Variants in TGM6 observed in about 807,000 individuals in gnomAD.
TGM6 encodes transglutaminase 6.
Under a neutral mutation model 77.5 loss-of-function variants are expected in TGM6, and 74 were observed. That is an observed-to-expected ratio of 0.96 (90% CI 0.79 to 1.16). The LOEUF (loss-of-function observed/expected upper bound fraction) is 1.16, where lower values mean the gene tolerates loss of function less well. Ranked by LOEUF, TGM6 falls within the 50% of genes most tolerant of loss-of-function variation. The pLI is 0.00. For synonymous variants in TGM6, 383 were observed against 378.9 expected (o/e 1.01, Z -0.12); for missense variants, 968 against 940.2 (o/e 1.03, Z -0.39).
intron 9 of TGM6, among the ~76,000 whole-genome samples, chr20:2,407,357 G>A (rs6137904): frequency 0.29 from 44,819 of 152,064 alleles, 8,708 homozygotes; most frequent in African/African-American, 0.55. Flanking sequence ...GGTGGCTCAC[G>A]CCTGCAATCC....
Position 2,429,873 on chromosome 20 carries a change from C to T in TGM6, c.1679-573C>T, listed in dbSNP as rs578095806. ...GAGAGGGAGACAGAGATGGCCAGGACCACAGGAGCTCAGAGAGCATGAGAG... is the reference window on the plus strand; with the variant it reads ...GAGAGGGAGACAGAGATGGCCAGGATCACAGGAGCTCAGAGAGCATGAGAG... On this transcript the variant is annotated intron_variant, in intron 10 of 12. Coordinates refer to ENST00000202625, the MANE Select transcript of TGM6 (RefSeq NM_198994.3). Among the ~76,000 whole-genome samples the T allele has an allele frequency of 3.7e-4, 56 of 152,216 alleles. 1 individual carries two copies. Among genetic ancestry groups the T allele is most frequent in the African/African-American group, 1.3e-3 (52 of 41,544 alleles).
intron 1 of TGM6, among the ~76,000 whole-genome samples, chr20:2,386,389 G>A (rs2084596051): frequency 6.6e-6 from 1 of 152,130 alleles, no homozygotes; most frequent in Non-Finnish European, 1.5e-5. Flanking sequence ...AGTTGGGCAG[G>A]GGAGGTGCCG....
chr20:2,405,696 G>A (rs1374815151), intron 9 of TGM6, among the ~76,000 whole-genome samples: 1 of 152,068 alleles, frequency 6.6e-6, no homozygotes, highest in East Asian at 1.9e-4. Context: ...GTGCTATTTG[G>A]GTCCTTTCAA....
chr20:2,419,174 T>C (rs1049622285), intron 10 of TGM6, among the ~76,000 whole-genome samples: 1 of 152,244 alleles, frequency 6.6e-6, no homozygotes, highest in African/African-American at 2.4e-5. Context: ...TCTGTCTCTC[T>C]GTCTCTGTCC....
intron 9 of TGM6, among the ~76,000 whole-genome samples, chr20:2,406,638 C>A (rs1194018336): frequency 6.6e-6 from 1 of 151,304 alleles, no homozygotes; most frequent in Non-Finnish European, 1.5e-5. Context: ...GAGTTCGAGA[C>A]CAGCCTGGCC....
intron 9 of TGM6, among the ~76,000 whole-genome samples, chr20:2,410,390 G>C (rs2084778027): frequency 6.6e-6 from 1 of 152,136 alleles, no homozygotes; most frequent in Non-Finnish European, 1.5e-5. Flanking sequence ...CCTGCCCCCT[G>C]CCATACCTTG....
intron 1 of TGM6, 113 bp downstream of exon 1, chr20:2,381,088 G>T: frequency 6.9e-7 from 1 of 1,455,264 alleles, no homozygotes; most frequent in Non-Finnish European, 9.5e-7. Flanking sequence ...TTTACAGCTG[G>T]ATAGTCCACC....
intron 10 of TGM6, among the ~76,000 whole-genome samples, chr20:2,417,887 G>T (rs980221344): frequency 5.3e-5 from 8 of 152,068 alleles, no homozygotes; most frequent in African/African-American, 1.9e-4. Flanking sequence ...CATGCTGGGG[G>T]TATTTCAGCA....
At chr20:2,423,187 G>A (rs1168883921) in intron 10 of TGM6, among the ~76,000 whole-genome samples, 1 of 151,734 alleles carries the variant, frequency 6.6e-6, no homozygotes, top group African/African-American at 2.4e-5. Context: ...GGGTGGTTGT[G>A]GCAATTTCTT....
In TGM6 at chr20:2,380,993, G is replaced by T; in HGVS notation, c.7+18G>T. The T allele has an allele frequency of 6.2e-7, 1 of 1,608,376 alleles. No individual in the cohort carries two copies. The highest frequency in any genetic ancestry group is 2.2e-5 in the East Asian group (1 of 44,748). ...CATGGCAGGTAAGTGGGCAGAGCCT[G>T]GGGCCTTGGGACACCAGGGCTCATG... On this transcript the variant is annotated intron_variant, in intron 1 of 12. Coordinates refer to ENST00000202625, the MANE Select transcript of TGM6 (RefSeq NM_198994.3).
In TGM6 at chr20:2,397,947, C is replaced by G. The variant is rs1347908694; in HGVS notation, c.573C>G (p.Leu191=). ...AGGAGGACATCCTGAACATCTGCCT[C>G]TCCATCCTGGATCGAAGCCCCGGTC... The part of the protein sequence containing the change: ...QFEEDILNIC[L]SILDRSPGHQ... Residue 191 remains leucine, a synonymous_variant, in exon 5 of 13, where the codon CTC becomes CTG. Transcript: ENST00000202625. 2 of 1,614,046 alleles carry G rather than the reference C, an allele frequency of 1.2e-6. No homozygotes were observed. The highest frequency in any genetic ancestry group is 1.7e-6 in the Non-Finnish European group (2 of 1,180,038).
chr20:2,416,963 T>A (rs1320562328), intron 9 of TGM6, among the ~76,000 whole-genome samples: 1 of 152,216 alleles, frequency 6.6e-6, no homozygotes, highest in Admixed American at 6.5e-5. Flanking sequence ...CACCAAGTGC[T>A]ATAGTACACA....
At chr20:2,393,269 C>T (rs777530360) in intron 1 of TGM6, among the ~76,000 whole-genome samples, 1 of 152,224 alleles carries the variant, frequency 6.6e-6, no homozygotes, top group Non-Finnish European at 1.5e-5. Context: ...CTCTTCATTT[C>T]AGCTGTCATA....
chr20:2,417,587 G>C lies in TGM6; in HGVS notation c.1678+14G>C, dbSNP rs1286457477. The C allele has an allele frequency of 1.9e-6, 3 of 1,592,388 alleles. No homozygotes were observed. The African/African-American group carries it at 4.0e-5, about 21-fold the overall frequency. ...GGCCGCAAGAAGGTAAGTGTACGCT[G>C]GCTTGGTGGAATCAGGCCAAACCAC... On this transcript the variant is annotated intron_variant, in intron 10 of 12. Coordinates refer to ENST00000202625, the MANE Select transcript of TGM6 (RefSeq NM_198994.3).
At chr20:2,423,173 G>T (rs1299991670) in intron 10 of TGM6, among the ~76,000 whole-genome samples, 3 of 151,910 alleles carry the variant, frequency 2.0e-5, no homozygotes, top group South Asian at 4.2e-4. Flanking sequence ...GTTGCCAAAG[G>T]TTGGGGTGGT....
intron 9 of TGM6, among the ~76,000 whole-genome samples, chr20:2,416,316 A>T (rs1261306265): frequency 6.6e-6 from 1 of 152,202 alleles, no homozygotes; most frequent in Admixed American, 6.5e-5. Flanking sequence ...GGACATATAG[A>T]TCAAAGAAAT....
intron 10 of TGM6, among the ~76,000 whole-genome samples, chr20:2,423,282 G>T (rs888540431): frequency 6.7e-6 from 1 of 149,856 alleles, no homozygotes; most frequent in East Asian, 2.1e-4. Flanking sequence ...GATGGTGTTC[G>T]ATAGCATTTT....
intron 5 of TGM6, 75 bp from the exon 6 acceptor site, chr20:2,399,486 C>T: frequency 6.2e-7 from 1 of 1,607,570 alleles, no homozygotes; most frequent in Non-Finnish European, 8.5e-7. Context: ...CAAAGTTGGA[C>T]AGGATTTGAC....
At chr20:2,404,259 C>T (rs960477056) in intron 9 of TGM6, among the ~76,000 whole-genome samples, 6 of 152,128 alleles carry the variant, frequency 3.9e-5, no homozygotes, top group East Asian at 1.9e-4. Context: ...GGGCCTGTGC[C>T]GTGATACCAA....
Sources: allele counts gnomAD v4.1 joint callset (sites outside exome capture counted in the v4.1 genomes callset), GRCh38; gene constraint gnomAD v4.1.1; transcripts MANE v1.5; gene names NCBI Gene and HGNC (gene_info 2026-07-23, HGNC 2026-07-21).